The following ENTHD1 variants were observed in gnomAD, a reference collection of about 807,000 sequenced individuals.
ENTHD1 encodes ENTH domain containing 1, also known as ENTH domain-containing protein 1.
In ENTHD1, 23 loss-of-function variants were observed where a neutral mutation model predicts 39.1. That is an observed-to-expected ratio of 0.59 (90% CI 0.42 to 0.83). The LOEUF is 0.83. ENTHD1 is among the 40% of genes least tolerant of loss of function. The probability of loss-of-function intolerance (pLI) is 0.00; values close to 1 mark genes in which losing one functional copy is unlikely to be tolerated. For missense variants in ENTHD1, 624 were observed against 705.4 expected, an observed-to-expected ratio of 0.88 and a Z score of 1.31; for synonymous variants, 230 against 258.2, an observed-to-expected ratio of 0.89 and a Z score of 1.05.
chr22:39,854,824 A>T lies in ENTHD1; in HGVS notation c.592+6941T>A, dbSNP rs1042367834. ...CAGCTGTTTCAGCTCTAGGTCCTAAAGGCTGGAAATCACATTTCCTGCATT... is the reference window on the plus strand; with the variant it reads ...CAGCTGTTTCAGCTCTAGGTCCTAATGGCTGGAAATCACATTTCCTGCATT... On this transcript the variant is annotated intron_variant, in intron 3 of 6. Transcript: ENST00000325157. 1.4e-4 allele frequency among the ~76,000 whole-genome samples: 21 copies of T among 152,332 alleles called. 1 individual carries two copies. The highest frequency in any genetic ancestry group is 3.3e-4 in the Admixed American group (5 of 15,296).
intron 2 of ENTHD1, among the ~76,000 whole-genome samples, chr22:39,873,887 C>T (rs993175300): frequency 2.0e-5 from 3 of 152,152 alleles, no homozygotes; most frequent in Non-Finnish European, 4.4e-5. Context: ...AAGGCATTAA[C>T]CATATGTATT....
chr22:39,825,117 T>C (rs999333949), intron 4 of ENTHD1, among the ~76,000 whole-genome samples: 6 of 152,216 alleles, frequency 3.9e-5, no homozygotes, highest in Admixed American at 1.3e-4. Flanking sequence ...ATTCTCAACA[T>C]ATGGACTCTG....
chr22:39,836,024 C>G, intron 3 of ENTHD1, 66 bp from the exon 4 acceptor site: 1 of 1,220,500 alleles, frequency 8.2e-7, no homozygotes, highest in Non-Finnish European at 1.2e-6. Flanking sequence ...ATATTAGTTC[C>G]CAATTTGTAA....
At chr22:39,800,956 A>T (rs1019248997) in intron 5 of ENTHD1, among the ~76,000 whole-genome samples, 5 of 152,230 alleles carry the variant, frequency 3.3e-5, no homozygotes, top group Non-Finnish European at 5.9e-5. Context: ...AGGAAGTGAC[A>T]TGATCAGATA....
At position 39,765,288 on chromosome 22, in the gene ENTHD1, G is replaced by T; in HGVS notation, c.1154C>A (p.Ala385Asp). The T allele has an allele frequency of 6.2e-7, 1 of 1,613,434 alleles. No homozygotes were observed. Among genetic ancestry groups the T allele is most frequent in the South Asian group, 1.1e-5 (1 of 91,056 alleles). ...GCTGGATTGTGCTGGTTTCTGGTAG[G>T]CCTTGTTGATTACAATCTCCTTCAC... Reference protein sequence around the residue: ...DRVKEIVINKAYQKPAQSSIQ... With the variant: ...DRVKEIVINKDYQKPAQSSIQ... Residue 385 changes from alanine (A) to aspartate (D), a missense_variant, in exon 6 of 7, where the codon GCC (alanine) becomes GAC (aspartate). Coordinates refer to ENST00000325157, the MANE Select transcript of ENTHD1 (RefSeq NM_152512.4).
At chr22:39,805,634 A>G (rs1365604146) in intron 5 of ENTHD1, among the ~76,000 whole-genome samples, 1 of 152,132 alleles carries the variant, frequency 6.6e-6, no homozygotes, top group Non-Finnish European at 1.5e-5. Context: ...TATTTCCCCC[A>G]TCCCCAAAGT....
chr22:39,756,314 T>TCA (rs879290501), intron 6 of ENTHD1, among the ~76,000 whole-genome samples: 1,903 of 144,160 alleles, frequency 0.013, 15 homozygotes, highest in Non-Finnish European at 0.016. Flanking sequence ...TCTCTCTCTC[T>TCA]CTCACACACA....
At chr22:39,773,050 A>G (rs776433410) in intron 5 of ENTHD1, among the ~76,000 whole-genome samples, 2 of 150,328 alleles carry the variant, frequency 1.3e-5, no homozygotes, top group Non-Finnish European at 3.0e-5. Context: ...TTGGGAGGCC[A>G]AAGCAGGTGG....
At chr22:39,776,283 T>C (rs1484707415) in intron 5 of ENTHD1, among the ~76,000 whole-genome samples, 1 of 152,224 alleles carries the variant, frequency 6.6e-6, no homozygotes, top group African/African-American at 2.4e-5. Context: ...TTCCAACCTT[T>C]GCTGGGAGAG....
intron 5 of ENTHD1, among the ~76,000 whole-genome samples, chr22:39,774,719 T>A (rs1048540700): frequency 1.3e-5 from 2 of 152,232 alleles, no homozygotes; most frequent in African/African-American, 4.8e-5. Context: ...CTCTCTTGCC[T>A]CATCTTGTGC....
At chr22:39,838,906 G>A (rs1601631020) in intron 3 of ENTHD1, among the ~76,000 whole-genome samples, 1 of 151,914 alleles carries the variant, frequency 6.6e-6, no homozygotes, top group Non-Finnish European at 1.5e-5. Flanking sequence ...AGGGAATAAT[G>A]TAAAATTTCT....
At chr22:39,814,609 C>T (rs1240366896) in intron 5 of ENTHD1, among the ~76,000 whole-genome samples, 1 of 152,170 alleles carries the variant, frequency 6.6e-6, no homozygotes, top group East Asian at 1.9e-4. Context: ...CAGTTCCATG[C>T]ATATGTGTAA....
intron 5 of ENTHD1, among the ~76,000 whole-genome samples, chr22:39,779,949 TTAAAA>T (rs2065395040): frequency 6.6e-6 from 1 of 152,206 alleles, no homozygotes; most frequent in African/African-American, 2.4e-5. Context: ...ATAGATTCAC[TTAAAA>T]TGAAAAGCAA....
intron 6 of ENTHD1, 39 bp downstream of exon 6, chr22:39,765,184 G>A: frequency 6.8e-7 from 1 of 1,477,890 alleles, no homozygotes; most frequent in Non-Finnish European, 9.1e-7. Context: ...TGTTGTGTGT[G>A]TGTGTGTGTG....
At chr22:39,883,855 C>CAA (rs137949) in intron 2 of ENTHD1, among the ~76,000 whole-genome samples, 8,671 of 68,432 alleles carry the variant, frequency 0.13, 650 homozygotes, top group African/African-American at 0.18. Context: ...CTCTGTCCCA[C>CAA]AAAAAAAAAA....
At chr22:39,770,750 C>T (rs1479976329) in intron 5 of ENTHD1, among the ~76,000 whole-genome samples, 1 of 152,020 alleles carries the variant, frequency 6.6e-6, no homozygotes, top group Non-Finnish European at 1.5e-5. Flanking sequence ...GTTTGGATAC[C>T]CCAAAAGGCA....
chr22:39,809,250 G>C (rs1484141744), intron 5 of ENTHD1, among the ~76,000 whole-genome samples: 2 of 152,208 alleles, frequency 1.3e-5, no homozygotes, highest in Non-Finnish European at 2.9e-5. Flanking sequence ...TGCTGTGCTA[G>C]TGGCAGATTC....
intron 5 of ENTHD1, among the ~76,000 whole-genome samples, chr22:39,816,163 C>T (rs1432069833): frequency 6.6e-6 from 1 of 152,152 alleles, no homozygotes; most frequent in Non-Finnish European, 1.5e-5. Context: ...ACCACAATAA[C>T]TCTCCTACTT....
intron 5 of ENTHD1, among the ~76,000 whole-genome samples, chr22:39,820,706 G>GA (rs201937216): frequency 9.3e-5 from 14 of 151,108 alleles, no homozygotes; most frequent in Non-Finnish European, 1.8e-4. Flanking sequence ...AATTCTTTAT[G>GA]AAAAAAAACA....
Sources: allele counts gnomAD v4.1 joint callset (sites outside exome capture counted in the v4.1 genomes callset), GRCh38; gene constraint gnomAD v4.1.1; transcripts MANE v1.5; gene names NCBI Gene and HGNC (gene_info 2026-07-23, HGNC 2026-07-21).